MTIF2: variants seen among roughly 807,000 people sequenced by gnomAD.
MTIF2 encodes the protein mitochondrial translational initiation factor 2.
Under a neutral mutation model 83.5 loss-of-function variants are expected in MTIF2, and 71 were observed. The observed-to-expected ratio is 0.85, with a 90% CI of 0.70 to 1.04. The LOEUF (loss-of-function observed/expected upper bound fraction) is 1.04, where lower values mean the gene tolerates loss of function less well. MTIF2 is among the 50% of genes least tolerant of loss of function. The pLI, the probability that MTIF2 is intolerant of heterozygous loss-of-function variation, is 0.00. For missense variants in MTIF2, 957 were observed against 846.5 expected, an observed-to-expected ratio of 1.13 and a Z score of -1.62; for synonymous variants, 319 against 287.1, an observed-to-expected ratio of 1.11 and a Z score of -1.12.
At chr2:55,236,989 A>C (rs975289258) in intron 15 of MTIF2, among the ~76,000 whole-genome samples, 169 bp from the exon 16 acceptor site, 2 of 152,216 alleles carry the variant, frequency 1.3e-5, no homozygotes, top group African/African-American at 2.4e-5. Context: ...TCAAAAATGA[A>C]GTTTGCTGTG....
rs763424499 is a variant in MTIF2 at position 55,263,821 on chromosome 2, C to T, written c.38G>A (p.Arg13Gln). ...CAGTTGCCTATAAATAGTGTGAAAT[C>T]GTAGCAAGTTCTCCAACTTCAGTAG... ...QKLLKLENLLRFHTIYRQLHS... is the reference protein window; with the variant it reads ...QKLLKLENLLQFHTIYRQLHS... Residue 13 changes from arginine to glutamine, a missense_variant, in exon 4 of 16, where the codon CGA becomes CAA. By Grantham distance (43) the Arg-to-Gln change is conservative. Transcript: ENST00000263629. The T allele has an allele frequency of 1.4e-5, 23 of 1,613,738 alleles. No individual in the cohort carries two copies. Among genetic ancestry groups the T allele is most frequent in the East Asian group, 2.2e-5 (1 of 44,892 alleles).
chr2:55,243,563 CTTCT>C lies in MTIF2; in HGVS notation c.1413_1416del (p.Glu472HisfsTer23). The C allele has an allele frequency of 6.2e-7, 1 of 1,614,056 alleles. No individual in the cohort carries two copies. On this transcript the variant is annotated frameshift_variant, in exon 12 of 16. Coordinates refer to ENST00000263629, the MANE Select transcript of MTIF2 (RefSeq NM_002453.3). LOFTEE classifies it high-confidence loss of function. ...TACTTCTCACGGGCTTTCTGATGTG[CTTCT>C]TTGTGTTCCTTTCGCTTTTCTTCTA...
At chr2:55,240,841 C>T (rs1261684025) in intron 13 of MTIF2, among the ~76,000 whole-genome samples, 2 of 152,064 alleles carry the variant, frequency 1.3e-5, no homozygotes, top group African/African-American at 4.8e-5. Context: ...AATACTATTC[C>T]TTCATTTTAA....
chr2:55,256,730 G>T (rs1045441762), intron 5 of MTIF2, among the ~76,000 whole-genome samples: 1 of 151,800 alleles, frequency 6.6e-6, no homozygotes, highest in Admixed American at 6.6e-5. Flanking sequence ...TTTGAGACAG[G>T]GTCTTACACT....
chr2:55,257,059 C>G (rs1677601273), intron 5 of MTIF2, among the ~76,000 whole-genome samples: 1 of 152,094 alleles, frequency 6.6e-6, no homozygotes, highest in South Asian at 2.1e-4. Flanking sequence ...ATTTAATGTG[C>G]TTTGTTTTAA....
chr2:55,248,504 A>T (rs570599672), intron 9 of MTIF2, among the ~76,000 whole-genome samples: 6 of 152,316 alleles, frequency 3.9e-5, no homozygotes, highest in Admixed American at 3.3e-4. Flanking sequence ...CGGACAAAAA[A>T]GGAAATTGTC....
intron 5 of MTIF2, among the ~76,000 whole-genome samples, chr2:55,259,348 A>G (rs1303194557): frequency 1.3e-5 from 2 of 152,212 alleles, no homozygotes; most frequent in East Asian, 1.9e-4. Flanking sequence ...ATAAGCTTCA[A>G]ATAGACACAT....
At chr2:55,242,204 C>T (rs903725921) in intron 13 of MTIF2, among the ~76,000 whole-genome samples, 4 of 151,586 alleles carry the variant, frequency 2.6e-5, no homozygotes, top group Non-Finnish European at 4.4e-5. Context: ...ATCTGTATTA[C>T]AGCACAGTGC....
At chr2:55,268,334 T>C (rs1458902752) in intron 2 of MTIF2, among the ~76,000 whole-genome samples, 5 of 152,150 alleles carry the variant, frequency 3.3e-5, no homozygotes, top group Non-Finnish European at 7.4e-5. Context: ...ATGGAAAATA[T>C]CTTATTTACG....
At chr2:55,259,803 G>A (rs1677821037) in intron 5 of MTIF2, among the ~76,000 whole-genome samples, 2 of 152,124 alleles carry the variant, frequency 1.3e-5, no homozygotes, top group South Asian at 4.1e-4. Flanking sequence ...TATTAGCTGG[G>A]TGTGGTGGCA....
intron 7 of MTIF2, among the ~76,000 whole-genome samples, chr2:55,253,303 C>T (rs188342890): frequency 6.6e-6 from 1 of 152,214 alleles, no homozygotes; most frequent in East Asian, 1.9e-4. Flanking sequence ...CACAACCTAG[C>T]AAAGGAAGTT....
rs186286244 is a variant in MTIF2, at chr2:55,237,196, G to A, written c.2011+92C>T. 9.4e-4 allele frequency: 1,280 copies of A among 1,359,370 alleles called. 20 individuals carry two copies. In the Admixed American group the frequency reaches 0.026, roughly 28 times the overall value. 84.2% of individuals were successfully genotyped at this position (1,359,370 alleles called of 1,614,324 possible). On this transcript the variant is annotated intron_variant, in intron 15 of 15. Coordinates refer to ENST00000263629, the MANE Select transcript of MTIF2 (RefSeq NM_002453.3). ...AGAAATGGCCTGAGCTGAGATTATG[G>A]GCATGAAAGATGAACAGATTTCAGA...
rs555630303 is a variant in MTIF2 at position 55,238,285 on chromosome 2, C to T, written c.1871-857G>A. Among the ~76,000 whole-genome samples the T allele has an allele frequency of 1.3e-4, 20 of 151,706 alleles. No individual in the cohort carries two copies. The South Asian group carries it at 4.0e-3, about 30-fold the overall frequency. On this transcript the variant is annotated intron_variant, in intron 14 of 15. Coordinates refer to ENST00000263629, the MANE Select transcript of MTIF2 (RefSeq NM_002453.3). ...TCCTACCTCAGCCTCCCAAAGTCCT[C>T]GGATGACACGCTTGAGCCACTGCAC...
chr2:55,255,373 CTATA>C (rs889917077), intron 5 of MTIF2, among the ~76,000 whole-genome samples: 1 of 145,678 alleles, frequency 6.9e-6, no homozygotes, highest in Non-Finnish European at 1.5e-5. Flanking sequence ...TTTAAAGATA[CTATA>C]TATATATTTA....
At chr2:55,250,162 C>A (rs1195318033) in intron 8 of MTIF2, among the ~76,000 whole-genome samples, 1 of 152,140 alleles carries the variant, frequency 6.6e-6, no homozygotes, top group Non-Finnish European at 1.5e-5. Flanking sequence ...ACCCCCACCA[C>A]TGCCTATACC....
chr2:55,243,163 C>G, intron 12 of MTIF2, 83 bp from the exon 13 acceptor site: 1 of 1,362,378 alleles, frequency 7.3e-7, no homozygotes, highest in Non-Finnish European at 9.9e-7. Flanking sequence ...CTATTTAAAG[C>G]CATGATAGGA....
At chr2:55,240,542 G>A (rs943243809) in intron 13 of MTIF2, among the ~76,000 whole-genome samples, 3 of 152,108 alleles carry the variant, frequency 2.0e-5, no homozygotes, top group African/African-American at 7.2e-5. Flanking sequence ...TCGCGCCACT[G>A]CACTCCAGCC....
chr2:55,246,529 C>G, intron 9 of MTIF2, 68 bp from the exon 10 acceptor site: 3 of 1,324,718 alleles, frequency 2.3e-6, no homozygotes, highest in Non-Finnish European at 3.2e-6. Flanking sequence ...ATGCCAGGGA[C>G]AGAAAGTCAC....
At chr2:55,262,792 A>C (rs1166701132) in intron 4 of MTIF2, among the ~76,000 whole-genome samples, 1 of 151,830 alleles carries the variant, frequency 6.6e-6, no homozygotes, top group Non-Finnish European at 1.5e-5. Context: ...GCAGTGGCAC[A>C]ATTTCGGCTC....
Sources: gnomAD v4.1 joint callset for allele counts (sites outside exome capture counted in the v4.1 genomes callset) on GRCh38, gnomAD v4.1.1 for gene constraint, MANE v1.5 for transcripts, NCBI Gene and HGNC (gene_info 2026-07-23, HGNC 2026-07-21) for gene names.